The following TSPAN15 variants were observed in gnomAD, a reference collection of about 807,000 sequenced individuals.
TSPAN15 encodes tetraspanin-15.
TSPAN15 carries 20 observed loss-of-function variants against 34.5 expected under a neutral mutation model. The observed-to-expected ratio is 0.58, with a 90% CI of 0.41 to 0.84. The LOEUF (loss-of-function observed/expected upper bound fraction) is 0.84. Among genes scored for constraint, TSPAN15 ranks in the 40% least tolerant of loss-of-function variants. TSPAN15 has a pLI of 0.00. For synonymous variants in TSPAN15, 155 were observed against 153.9 expected (o/e 1.01, Z -0.05); for missense variants, 313 against 386.1 (o/e 0.81, Z 1.59).
rs187706367 is a variant in TSPAN15 at position 69,480,143 on chromosome 10, A to C, written c.97-3548A>C. Among the ~76,000 whole-genome samples, 75 of 152,220 alleles carry C rather than the reference A, an allele frequency of 4.9e-4. No homozygotes were observed. The East Asian group carries it at 0.014, about 29-fold the overall frequency. ...ATAGAAGAAGCCACTGACTGCCTTT[A>C]TGGAGAGGGCTGGGGTCAGTTCTGC... On this transcript the variant is annotated intron_variant, in intron 1 of 7. Coordinates refer to ENST00000373290, the MANE Select transcript of TSPAN15 (RefSeq NM_012339.5).
chr10:69,495,999 G>A (rs1210497604), intron 4 of TSPAN15, among the ~76,000 whole-genome samples: 1 of 152,064 alleles, frequency 6.6e-6, no homozygotes, highest in African/African-American at 2.4e-5. Context: ...GTTGCTACAA[G>A]CAACCTTGCA....
At chr10:69,477,713 G>A (rs1379872340) in intron 1 of TSPAN15, among the ~76,000 whole-genome samples, 2 of 152,182 alleles carry the variant, frequency 1.3e-5, no homozygotes, top group Admixed American at 6.5e-5. Flanking sequence ...TTGCAAAGGT[G>A]TTTCACACCC....
the TSPAN15 span, among the ~76,000 whole-genome samples, chr10:69,513,604 A>T: frequency 6.6e-6 from 1 of 150,728 alleles, no homozygotes; most frequent in African/African-American, 2.4e-5. Flanking sequence ...TTCATGCGTG[A>T]TGCTTCTGGT....
chr10:69,496,721 C>G (rs1431404633), intron 4 of TSPAN15, among the ~76,000 whole-genome samples: 1 of 152,194 alleles, frequency 6.6e-6, no homozygotes, highest in Admixed American at 6.5e-5. Context: ...CTAGCCTCTC[C>G]CCACATGCAG....
chr10:69,460,283 G>T (rs967496167), intron 1 of TSPAN15, among the ~76,000 whole-genome samples: 2 of 152,034 alleles, frequency 1.3e-5, no homozygotes, highest in Non-Finnish European at 2.9e-5. Context: ...CAACAGGCAC[G>T]CGGGGCCAGG....
At chr10:69,488,700 G>A (rs1042282668) in intron 3 of TSPAN15, among the ~76,000 whole-genome samples, 1 of 152,150 alleles carries the variant, frequency 6.6e-6, no homozygotes, top group Non-Finnish European at 1.5e-5. Context: ...TTTTATTAAG[G>A]ATTTCAAAAG....
chr10:69,515,611 C>T, the TSPAN15 span, among the ~76,000 whole-genome samples: 5 of 152,226 alleles, frequency 3.3e-5, no homozygotes, highest in East Asian at 9.6e-4. Flanking sequence ...TCCTTCCAAG[C>T]TCTTGCCTTG....
intron 3 of TSPAN15, chr10:69,494,829 G>A (rs534589618): frequency 2.0e-6 from 2 of 985,520 alleles, no homozygotes; most frequent in Non-Finnish European, 2.4e-6. Context: ...ACAGTGAGCT[G>A]GGCTGCCCAC....
chr10:69,514,184 T>A, the TSPAN15 span, among the ~76,000 whole-genome samples: 2 of 152,258 alleles, frequency 1.3e-5, no homozygotes, highest in East Asian at 3.8e-4. Flanking sequence ...TCATTCATTT[T>A]CACATGCTGA....
chr10:69,472,421 C>G (rs1484452562), intron 1 of TSPAN15, among the ~76,000 whole-genome samples: 1 of 152,212 alleles, frequency 6.6e-6, no homozygotes, highest in East Asian at 1.9e-4. Flanking sequence ...TTGATCACAT[C>G]TACCCCAGGG....
chr10:69,485,278 G>A (rs1441970081), intron 3 of TSPAN15, 63 bp downstream of exon 3: 1 of 1,420,368 alleles, frequency 7.0e-7, no homozygotes, highest in East Asian at 2.3e-5. Flanking sequence ...GGTGCCTTGG[G>A]CTAACTGGGG....
the TSPAN15 span, among the ~76,000 whole-genome samples, chr10:69,524,235 G>A: frequency 2.7e-5 from 4 of 147,452 alleles, 2 homozygotes; most frequent in East Asian, 5.0e-4. Context: ...TTGGGAGGCC[G>A]AGGTGGGTGG....
In TSPAN15 at chr10:69,506,799, G is replaced by A. The variant is rs1842336224; in HGVS notation, c.736-30G>A. On this transcript the variant is annotated intron_variant, in intron 7 of 7. Transcript: ENST00000373290. The surrounding 1 kb of genome is among the most constrained non-coding windows in gnomAD (Gnocchi z 4.7). ...GGAGGGCTGCCCTGATTCCCAGCAG[G>A]CCCTCACCAGCCCTGCCCCTTCTTC... 1 of 1,554,502 alleles carries A rather than the reference G, an allele frequency of 6.4e-7. No homozygotes were observed. Among genetic ancestry groups the A allele is most frequent in the Admixed American group, 1.9e-5 (1 of 51,350 alleles).
intron 1 of TSPAN15, among the ~76,000 whole-genome samples, chr10:69,473,421 G>A (rs778619796): frequency 2.6e-5 from 4 of 152,176 alleles, no homozygotes; most frequent in Non-Finnish European, 4.4e-5. Context: ...ATTGCTGTCC[G>A]CTTTAGGGTT....
At chr10:69,460,591 G>A (rs1841230633) in intron 1 of TSPAN15, among the ~76,000 whole-genome samples, 1 of 152,120 alleles carries the variant, frequency 6.6e-6, no homozygotes, top group African/African-American at 2.4e-5. Context: ...CTGGCTGGAG[G>A]AGCTGGTTCC....
intron 4 of TSPAN15, among the ~76,000 whole-genome samples, chr10:69,496,524 G>C (rs149828695): frequency 1.3e-5 from 2 of 152,118 alleles, no homozygotes; most frequent in African/African-American, 2.4e-5. Context: ...TTCAGGAGAC[G>C]TGCTTAGAAC....
At chr10:69,495,749 C>A in intron 4 of TSPAN15, 60 bp downstream of exon 4, 1 of 1,220,182 alleles carries the variant, frequency 8.2e-7, no homozygotes, top group Non-Finnish European at 1.2e-6. Context: ...CCCATTCAGG[C>A]CCCTGCTCAA....
intron 1 of TSPAN15, among the ~76,000 whole-genome samples, chr10:69,468,204 A>G (rs1454778668): frequency 2.7e-5 from 4 of 149,152 alleles, no homozygotes; most frequent in Admixed American, 1.3e-4. Flanking sequence ...CTTAATCACC[A>G]GGTGCACACA....
intron 3 of TSPAN15, among the ~76,000 whole-genome samples, chr10:69,493,334 G>A (rs1842007339): frequency 6.6e-6 from 1 of 152,224 alleles, no homozygotes; most frequent in Non-Finnish European, 1.5e-5. Context: ...GCTGCTCACA[G>A]GAGCCTGCAT....
Sources: gnomAD v4.1 joint callset for allele counts (sites outside exome capture counted in the v4.1 genomes callset) on GRCh38, gnomAD v4.1.1 for gene constraint, Gnocchi (gnomAD v3.1) non-coding constraint, MANE v1.5 for transcripts, NCBI Gene and HGNC (gene_info 2026-07-23, HGNC 2026-07-21) for gene names.